CYP2J2: variants seen among roughly 807,000 people sequenced by gnomAD.
CYP2J2 encodes cytochrome P450 2J2.
Under a neutral mutation model 48.8 loss-of-function variants are expected in CYP2J2, and 41 were observed. The ratio of observed to expected loss-of-function variants is 0.84; its 90% CI spans 0.66 to 1.09. CYP2J2 has a LOEUF of 1.09. Ranked by LOEUF, CYP2J2 falls within the 50% of genes least tolerant of loss-of-function variation. The pLI is 0.00. For synonymous variants in CYP2J2, 221 were observed against 227.1 expected (o/e 0.97, Z 0.24); for missense variants, 644 against 617.3 (o/e 1.04, Z -0.46).
the CYP2J2 span, among the ~76,000 whole-genome samples, chr1:59,943,500 G>A: frequency 6.6e-6 from 1 of 152,136 alleles, no homozygotes; most frequent in South Asian, 2.1e-4. Context: ...TAGCACGAGT[G>A]GTCAGAATTA....
chr1:59,968,241 G>A, the CYP2J2 span, among the ~76,000 whole-genome samples: 2 of 152,180 alleles, frequency 1.3e-5, no homozygotes, highest in Non-Finnish European at 2.9e-5. Context: ...AACAAGAGAT[G>A]AGATTATTTG....
chr1:59,910,751 C>T (rs1370041751), intron 4 of CYP2J2, among the ~76,000 whole-genome samples: 2 of 152,090 alleles, frequency 1.3e-5, no homozygotes, highest in Non-Finnish European at 2.9e-5. Context: ...TTGGGGTCAA[C>T]TTCTCCCCCC....
In CYP2J2 at chr1:59,904,979, G is replaced by T. The variant is rs753516471; in HGVS notation, c.1083C>A (p.Tyr361Ter). Reference sequence around the variant, plus strand: ...GCACCTCATGGATGACAGCATTGGTGTAGGGCATGGACTCCCGGGCGGCTG... The same window carrying T: ...GCACCTCATGGATGACAGCATTGGTTTAGGGCATGGACTCCCGGGCGGCTG... ...PSTAARESMP[Y>*]TNAVIHEVQR... Residue 361 changes from tyrosine to a stop codon, truncating the protein, a stop_gained, in exon 7 of 9, where the codon TAC becomes TAA. Transcript: ENST00000371204. LOFTEE classifies it high-confidence loss of function. 2 of 1,614,030 alleles carry T rather than the reference G, an allele frequency of 1.2e-6. No individual in the cohort carries two copies. Among genetic ancestry groups the T allele is most frequent in the South Asian group, 2.2e-5 (2 of 91,032 alleles).
chr1:59,935,008 A>G, the CYP2J2 span, among the ~76,000 whole-genome samples: 7 of 40,056 alleles, frequency 1.7e-4, no homozygotes, highest in Non-Finnish European at 2.7e-4. Flanking sequence ...ATATATATAT[A>G]TATATACATA....
the CYP2J2 span, among the ~76,000 whole-genome samples, chr1:59,963,840 A>G: frequency 6.6e-6 from 1 of 152,228 alleles, no homozygotes; most frequent in Non-Finnish European, 1.5e-5. Context: ...ATTTTTTATT[A>G]GAACACTTCT....
the CYP2J2 span, among the ~76,000 whole-genome samples, chr1:59,967,899 T>A: frequency 6.6e-6 from 1 of 152,236 alleles, no homozygotes; most frequent in Non-Finnish European, 1.5e-5. Flanking sequence ...ACTTTTTCAC[T>A]ATATATAAAC....
At chr1:59,946,396 T>A in the CYP2J2 span, among the ~76,000 whole-genome samples, 1 of 152,238 alleles carries the variant, frequency 6.6e-6, no homozygotes, top group African/African-American at 2.4e-5. Context: ...TTTTTCTGAC[T>A]ACTCTGTGTA....
At chr1:59,949,402 T>C in the CYP2J2 span, among the ~76,000 whole-genome samples, 1 of 152,220 alleles carries the variant, frequency 6.6e-6, no homozygotes, top group Non-Finnish European at 1.5e-5. Flanking sequence ...AATCCTTATG[T>C]TCCCTTTGAC....
chr1:59,943,448 G>A, the CYP2J2 span, among the ~76,000 whole-genome samples: 1 of 152,176 alleles, frequency 6.6e-6, no homozygotes, highest in South Asian at 2.1e-4. Context: ...GAGAAAATAC[G>A]GATGGAGAGA....
chr1:59,907,488 T>G (rs1644374767), intron 6 of CYP2J2, among the ~76,000 whole-genome samples: 1 of 152,194 alleles, frequency 6.6e-6, no homozygotes, highest in African/African-American at 2.4e-5. Flanking sequence ...AACTAGACTT[T>G]CACATCAGAA....
chr1:59,901,075 G>T lies in CYP2J2; in HGVS notation c.1220C>A (p.Ala407Glu). 2 of 1,614,014 alleles carry T rather than the reference G, an allele frequency of 1.2e-6. No individual in the cohort carries two copies. Among genetic ancestry groups the T allele is most frequent in the African/African-American group, 1.3e-5 (1 of 75,038 alleles). ...CCACTCTGTGGGGTCCCTGTGCAGC[G>T]CCGTCAAATTGGTCAGGATCATGGT... The part of the protein sequence containing the change: ...KGTMILTNLT[A>E]LHRDPTEWAT... The change falls in exon 8 of 9, where the codon GCG becomes GAG. Residue 407 changes from alanine (A) to glutamate (E), a missense_variant. Physicochemically the swap from Ala to Glu is moderately radical, Grantham distance 107. Coordinates refer to ENST00000371204, the MANE Select transcript of CYP2J2 (RefSeq NM_000775.4).
the CYP2J2 span, among the ~76,000 whole-genome samples, chr1:59,941,282 T>G: frequency 6.6e-6 from 1 of 152,202 alleles, no homozygotes; most frequent in South Asian, 2.1e-4. Flanking sequence ...CATACAGTTA[T>G]AGTGGAGCTG....
chr1:59,909,673 T>C (rs532343927), intron 5 of CYP2J2, 111 bp downstream of exon 5: 1 of 699,478 alleles, frequency 1.4e-6, no homozygotes, highest in African/African-American at 1.9e-5. Flanking sequence ...AATCAATCTG[T>C]GCTATTTTAG....
At chr1:59,946,108 C>T in the CYP2J2 span, among the ~76,000 whole-genome samples, 3 of 152,310 alleles carry the variant, frequency 2.0e-5, 1 homozygote, top group Middle Eastern at 6.8e-3. Flanking sequence ...TAATGCCTTC[C>T]CATCTTACTC....
At chr1:59,936,605 T>C in the CYP2J2 span, among the ~76,000 whole-genome samples, 1 of 152,186 alleles carries the variant, frequency 6.6e-6, no homozygotes, top group East Asian at 1.9e-4. Flanking sequence ...CATCTTCAAT[T>C]TAGGTCCTAC....
upstream of CYP2J2, among the ~76,000 whole-genome samples, chr1:59,931,091 A>C (rs1057020656): frequency 3.9e-5 from 6 of 152,180 alleles, no homozygotes; most frequent in African/African-American, 1.4e-4. Flanking sequence ...TTAGATTGAT[A>C]AGAAAAGTAA....
intron 4 of CYP2J2, among the ~76,000 whole-genome samples, chr1:59,910,826 C>T (rs1289427164): frequency 6.6e-6 from 1 of 152,090 alleles, no homozygotes; most frequent in Non-Finnish European, 1.5e-5. Context: ...AGAAACCGAG[C>T]AGAGTTTTTG....
chr1:59,937,722 T>C, the CYP2J2 span, among the ~76,000 whole-genome samples: 1 of 152,186 alleles, frequency 6.6e-6, no homozygotes, highest in Non-Finnish European at 1.5e-5. Context: ...TTGATGCTAT[T>C]TTCTAGATTC....
intron 5 of CYP2J2, among the ~76,000 whole-genome samples, chr1:59,909,428 A>G (rs1329630346): frequency 6.6e-6 from 1 of 152,198 alleles, no homozygotes; most frequent in African/African-American, 2.4e-5. Context: ...AAAGTCAGAG[A>G]GAAAGTATGT....
Sources: gnomAD v4.1 joint callset for allele counts (sites outside exome capture counted in the v4.1 genomes callset) on GRCh38, gnomAD v4.1.1 for gene constraint, MANE v1.5 for transcripts, NCBI Gene and HGNC (gene_info 2026-07-23, HGNC 2026-07-21) for gene names.